ARHGAP18: variants seen among roughly 807,000 people sequenced by gnomAD.
ARHGAP18 encodes the protein Rho GTPase activating protein 18.
Under a neutral mutation model 86.2 loss-of-function variants are expected in ARHGAP18, and 67 were observed. That is an observed-to-expected ratio of 0.78 (90% CI 0.64 to 0.95). The LOEUF is 0.95. Ranked by LOEUF, ARHGAP18 falls within the 40% of genes least tolerant of loss-of-function variation. The pLI, the probability that ARHGAP18 is intolerant of heterozygous loss-of-function variation, is 0.00. For missense variants in ARHGAP18, 691 were observed against 780.4 expected, an observed-to-expected ratio of 0.89 and a Z score of 1.37; for synonymous variants, 283 against 280.4, an observed-to-expected ratio of 1.01 and a Z score of -0.09.
chr6:129,647,251 C>T lies in ARHGAP18; in HGVS notation c.114-5233G>A, dbSNP rs925401760. Among the ~76,000 whole-genome samples the T allele has an allele frequency of 3.9e-5, 6 of 152,240 alleles. No individual in the cohort carries two copies. The South Asian group carries it at 1.0e-3, about 26-fold the overall frequency. ...TTTTGGCCAGTATATTTGAAAATTG[C>T]CTTAATGTGCCTTTGTCATCCCTAC... is the stretch of plus-strand genomic sequence containing the variant. On this transcript the variant is annotated intron_variant, in intron 1 of 14. Transcript: ENST00000368149.
At chr6:129,652,853 A>T (rs1024334057) in intron 1 of ARHGAP18, among the ~76,000 whole-genome samples, 1 of 152,206 alleles carries the variant, frequency 6.6e-6, no homozygotes, top group Non-Finnish European at 1.5e-5. Flanking sequence ...ACATAACACA[A>T]AATTATAAAC....
chr6:129,653,794 G>A (rs1360734901), intron 1 of ARHGAP18, among the ~76,000 whole-genome samples: 1 of 150,994 alleles, frequency 6.6e-6, no homozygotes, highest in Non-Finnish European at 1.5e-5. Context: ...TTGTGGGTTA[G>A]GGCAGGGAAT....
In ARHGAP18 at chr6:129,605,877, C is replaced by T. The variant is rs766518423; in HGVS notation, c.1365G>A (p.Lys455=). The T allele has an allele frequency of 1.2e-6, 2 of 1,612,634 alleles. No homozygotes were observed. Among genetic ancestry groups the T allele is most frequent in the South Asian group, 1.1e-5 (1 of 91,054 alleles). ...TTTAATGTAAATTAACCAAGCTGAC[C>T]TTCAGTGTGTCCCTGTTTGCATCAG... ...LLPDANRDTL[K]ALLEFLQRVI... Residue 455 remains lysine, a splice_region_variant and synonymous_variant, in exon 10 of 15, where the codon AAG becomes AAA. Coordinates refer to ENST00000368149, the MANE Select transcript of ARHGAP18 (RefSeq NM_033515.3).
At chr6:129,707,361 C>T (rs1296320533) in intron 1 of ARHGAP18, among the ~76,000 whole-genome samples, 7 of 152,170 alleles carry the variant, frequency 4.6e-5, no homozygotes, top group African/African-American at 1.7e-4. Flanking sequence ...GAACATATTA[C>T]TTACAGACAA....
At position 129,593,410 on chromosome 6, in the gene ARHGAP18, A is replaced by G. The variant is rs541095858; in HGVS notation, c.1713+5806T>C. ...TGCAACTTTGAGGTTACAATGAGCC[A>G]TGATTGCACCATTGCACTTCAGCCT... is the stretch of plus-strand genomic sequence containing the variant. On this transcript the variant is annotated intron_variant, in intron 12 of 14. Coordinates refer to ENST00000368149, the MANE Select transcript of ARHGAP18 (RefSeq NM_033515.3). Among the ~76,000 whole-genome samples the G allele has an allele frequency of 3.3e-5, 5 of 152,322 alleles. No individual in the cohort carries two copies. In the East Asian group the frequency reaches 9.6e-4, roughly 29 times the overall value.
chr6:129,707,461 AT>A (rs1475706468), intron 1 of ARHGAP18, among the ~76,000 whole-genome samples: 1 of 151,704 alleles, frequency 6.6e-6, no homozygotes, highest in African/African-American at 2.4e-5. Context: ...TTTAGCTTTT[AT>A]TTTTTATTTA....
chr6:129,584,306 TATA>T (rs956513350), intron 12 of ARHGAP18, among the ~76,000 whole-genome samples, 194 bp from the exon 13 acceptor site: 7 of 152,230 alleles, frequency 4.6e-5, no homozygotes, highest in African/African-American at 1.7e-4. Context: ...AGGGGAACTT[TATA>T]ATGCCTGTGC....
At chr6:129,700,762 C>G (rs1290866759) in intron 1 of ARHGAP18, among the ~76,000 whole-genome samples, 3 of 152,074 alleles carry the variant, frequency 2.0e-5, no homozygotes, top group Admixed American at 2.0e-4. Context: ...TTATTATTCC[C>G]AGTGTGCAGA....
chr6:129,626,183 T>A (rs2114483880), intron 5 of ARHGAP18, among the ~76,000 whole-genome samples: 1 of 149,584 alleles, frequency 6.7e-6, no homozygotes, highest in East Asian at 2.0e-4. Context: ...GATACATCTG[T>A]ACAATGGAGT....
At chr6:129,650,138 G>A (rs1297479779) in intron 1 of ARHGAP18, among the ~76,000 whole-genome samples, 1 of 149,330 alleles carries the variant, frequency 6.7e-6, no homozygotes, top group African/African-American at 2.5e-5. Context: ...TGGTCAGGCT[G>A]GTCTCGAACT....
At chr6:129,685,030 G>A (rs148426410) in intron 1 of ARHGAP18, among the ~76,000 whole-genome samples, 10 of 152,268 alleles carry the variant, frequency 6.6e-5, no homozygotes, top group African/African-American at 2.2e-4. Context: ...CTCAGACTCC[G>A]GCGGTGGACA....
At chr6:129,600,229 C>T (rs925864421) in intron 11 of ARHGAP18, among the ~76,000 whole-genome samples, 21 of 152,132 alleles carry the variant, frequency 1.4e-4, no homozygotes, top group Non-Finnish European at 2.2e-4. Context: ...CCACTTCCAT[C>T]CTCTGATAAG....
chr6:129,583,574 T>G (rs1049757550), intron 13 of ARHGAP18, among the ~76,000 whole-genome samples: 5 of 152,210 alleles, frequency 3.3e-5, no homozygotes, highest in African/African-American at 1.2e-4. Context: ...TCCATTATAT[T>G]TCATAGAAAA....
chr6:129,602,032 T>C (rs1344092611), intron 10 of ARHGAP18, among the ~76,000 whole-genome samples: 1 of 152,074 alleles, frequency 6.6e-6, no homozygotes, highest in Admixed American at 6.6e-5. Context: ...CAGACACTCA[T>C]TGTCCTCTGA....
At chr6:129,591,425 C>T (rs1020764672) in intron 12 of ARHGAP18, among the ~76,000 whole-genome samples, 2 of 152,096 alleles carry the variant, frequency 1.3e-5, no homozygotes, top group Non-Finnish European at 2.9e-5. Flanking sequence ...TTGACTAACA[C>T]TCCATCAAAG....
chr6:129,635,817 A>C (rs1426370926), intron 3 of ARHGAP18, among the ~76,000 whole-genome samples: 1 of 152,206 alleles, frequency 6.6e-6, no homozygotes, highest in Non-Finnish European at 1.5e-5. Context: ...TAAGCAAGTT[A>C]ACATTATTTT....
At chr6:129,596,646 A>G (rs1788620698) in intron 12 of ARHGAP18, 1 of 152,212 alleles carries the variant, frequency 6.6e-6, no homozygotes, top group Non-Finnish European at 1.5e-5. Flanking sequence ...GTAGGCACAT[A>G]TCAAGTAACT....
chr6:129,642,205 T>A (rs1773483157), intron 1 of ARHGAP18, among the ~76,000 whole-genome samples, 187 bp from the exon 2 acceptor site: 2 of 152,220 alleles, frequency 1.3e-5, no homozygotes, highest in African/African-American at 4.8e-5. Context: ...AACAGTTTCA[T>A]GCTCCACAGA....
intron 1 of ARHGAP18, among the ~76,000 whole-genome samples, chr6:129,687,165 T>A (rs1057199362): frequency 2.0e-5 from 3 of 151,926 alleles, no homozygotes; most frequent in Non-Finnish European, 4.4e-5. Flanking sequence ...CCCTTTGAGA[T>A]GACAGTTGGC....
Sources: allele counts gnomAD v4.1 joint callset (sites outside exome capture counted in the v4.1 genomes callset), GRCh38; gene constraint gnomAD v4.1.1; transcripts MANE v1.5; gene names NCBI Gene and HGNC (gene_info 2026-07-23, HGNC 2026-07-21).